CCSER1: variants seen among roughly 807,000 people sequenced by gnomAD.
CCSER1 encodes the protein coiled-coil serine rich protein 1.
In CCSER1, 41 loss-of-function variants were observed where a neutral mutation model predicts 82.0. That is an observed-to-expected ratio of 0.50 (90% CI 0.39 to 0.65). The LOEUF is 0.65. CCSER1 is among the 30% of genes least tolerant of loss of function. The probability of loss-of-function intolerance (pLI) is 0.00; values close to 1 mark genes in which losing one functional copy is unlikely to be tolerated. For synonymous variants in CCSER1, 414 were observed against 383.9 expected, an observed-to-expected ratio of 1.08 and a Z score of -0.92; for missense variants, 1,119 against 1,064.2, an observed-to-expected ratio of 1.05 and a Z score of -0.72.
intron 9 of CCSER1, among the ~76,000 whole-genome samples, chr4:91,076,213 G>A (rs1225128939): frequency 6.7e-6 from 1 of 149,964 alleles, no homozygotes; most frequent in Admixed American, 6.8e-5. Flanking sequence ...TTTTCAACCT[G>A]AATCTTGGTC....
At chr4:90,276,434 C>A (rs1052465358) in intron 1 of CCSER1, among the ~76,000 whole-genome samples, 1 of 150,590 alleles carries the variant, frequency 6.6e-6, no homozygotes, top group African/African-American at 2.5e-5. Flanking sequence ...GCAACCTTCA[C>A]CTCCTGGATT....
intron 9 of CCSER1, among the ~76,000 whole-genome samples, chr4:91,074,229 CAT>C (rs558146622): frequency 1.8e-3 from 273 of 152,202 alleles, no homozygotes; most frequent in African/African-American, 5.8e-3. Flanking sequence ...TGCAATATAA[CAT>C]GTGATAAGGC....
At chr4:91,100,058 T>G (rs1034134247) in intron 10 of CCSER1, among the ~76,000 whole-genome samples, 2 of 152,182 alleles carry the variant, frequency 1.3e-5, no homozygotes, top group Non-Finnish European at 2.9e-5. Context: ...CTTCCTTGTC[T>G]TGTAATGTTA....
At chr4:91,278,530 G>A (rs139380267) in intron 10 of CCSER1, among the ~76,000 whole-genome samples, 143 of 152,034 alleles carry the variant, frequency 9.4e-4, no homozygotes, top group East Asian at 5.6e-3. Context: ...ATCTTTTTCC[G>A]TCTCTTTATT....
In CCSER1 at chr4:90,310,578, C is replaced by T. The variant is rs1189910319; in HGVS notation, c.1324+970C>T. 2.0e-5 allele frequency among the ~76,000 whole-genome samples: 3 copies of T among 151,996 alleles called. No individual in the cohort carries two copies. The East Asian group carries it at 5.8e-4, about 29-fold the overall frequency. ...CAAAGATAAACTGTGTGTCCACAAT[C>T]ACAAAACTAATAATTCATTTATTGG... is the stretch of plus-strand genomic sequence containing the variant. On this transcript the variant is annotated intron_variant, in intron 2 of 10. Coordinates refer to ENST00000509176, the MANE Select transcript of CCSER1 (RefSeq NM_001145065.2).
chr4:91,473,259 T>C (rs182530256), intron 10 of CCSER1, among the ~76,000 whole-genome samples: 124 of 152,304 alleles, frequency 8.1e-4, no homozygotes, highest in Non-Finnish European at 4.7e-4. Context: ...CAGAAAGTAA[T>C]TTTCATTGTG....
intron 10 of CCSER1, among the ~76,000 whole-genome samples, chr4:91,290,363 G>A (rs1743652285): frequency 6.6e-6 from 1 of 151,874 alleles, no homozygotes; most frequent in Non-Finnish European, 1.5e-5. Context: ...AATTATATTT[G>A]CTGCTAAGAT....
At chr4:90,394,341 C>A (rs1460495725) in intron 3 of CCSER1, among the ~76,000 whole-genome samples, 1 of 152,066 alleles carries the variant, frequency 6.6e-6, no homozygotes, top group Non-Finnish European at 1.5e-5. Flanking sequence ...AAAATTAATT[C>A]TTGAATTACT....
At chr4:91,150,708 G>A (rs1483269869) in intron 10 of CCSER1, among the ~76,000 whole-genome samples, 1 of 151,976 alleles carries the variant, frequency 6.6e-6, no homozygotes, top group Non-Finnish European at 1.5e-5. Flanking sequence ...GTTGAATTTT[G>A]TAGAAGGCCT....
intron 10 of CCSER1, among the ~76,000 whole-genome samples, chr4:91,514,241 T>A (rs988617393): frequency 3.3e-5 from 5 of 152,208 alleles, no homozygotes; most frequent in African/African-American, 1.2e-4. Context: ...GCAAGTTGTT[T>A]AATTTCTATG....
chr4:90,910,187 C>T (rs1486999351), intron 8 of CCSER1, among the ~76,000 whole-genome samples: 3 of 152,184 alleles, frequency 2.0e-5, no homozygotes, highest in Non-Finnish European at 1.5e-5. Context: ...ATCAAGGGAA[C>T]AGCAAGGGGG....
chr4:91,128,245 AAAAC>A (rs1466818264), intron 10 of CCSER1, among the ~76,000 whole-genome samples: 1 of 152,078 alleles, frequency 6.6e-6, no homozygotes, highest in African/African-American at 2.4e-5. Context: ...CAGCAAAGAC[AAAAC>A]AAACAAACTA....
intron 1 of CCSER1, among the ~76,000 whole-genome samples, chr4:90,280,223 A>G (rs549292008): frequency 6.6e-6 from 1 of 152,160 alleles, no homozygotes; most frequent in East Asian, 1.9e-4. Context: ...TAAAGTCACT[A>G]CAGTATTCCA....
rs1722248114 is a variant in CCSER1, at chr4:90,250,775, G to A, written c.-41-57469G>A. 5.9e-5 allele frequency among the ~76,000 whole-genome samples: 9 copies of A among 152,032 alleles called. No individual in the cohort carries two copies. The South Asian group carries it at 1.9e-3, about 31-fold the overall frequency. On this transcript the variant is annotated intron_variant, in intron 1 of 10. Coordinates refer to ENST00000509176, the MANE Select transcript of CCSER1 (RefSeq NM_001145065.2). The stretch of plus-strand genomic sequence containing the variant: ...GGCAGTTGGGATTTTGACAAGGATT[G>A]TGTTGAATCTGTATCAGTTTGGGGT...
chr4:90,531,454 G>T (rs1318016965), intron 5 of CCSER1, among the ~76,000 whole-genome samples: 1 of 149,510 alleles, frequency 6.7e-6, no homozygotes, highest in Non-Finnish European at 1.5e-5. Context: ...TACTCACCAG[G>T]TGTATTTTTA....
At chr4:90,354,565 A>G (rs72881681) in intron 3 of CCSER1, among the ~76,000 whole-genome samples, 14,695 of 152,112 alleles carry the variant, frequency 0.097, 1,198 homozygotes, top group East Asian at 0.32. Flanking sequence ...CACAGTGTGT[A>G]TGTATATCAA....
intron 5 of CCSER1, among the ~76,000 whole-genome samples, chr4:90,544,753 A>C (rs1318135148): frequency 6.6e-6 from 1 of 152,102 alleles, no homozygotes; most frequent in African/African-American, 2.4e-5. Context: ...TCCCTCAGGC[A>C]AGCAAAGGCA....
chr4:90,935,079 G>C (rs1730765684), intron 9 of CCSER1, among the ~76,000 whole-genome samples: 1 of 151,916 alleles, frequency 6.6e-6, no homozygotes, highest in African/African-American at 2.4e-5. Flanking sequence ...TGAATAACTA[G>C]AGAGAGGGAG....
chr4:91,173,391 G>T (rs1041124377), intron 10 of CCSER1, among the ~76,000 whole-genome samples: 1 of 152,024 alleles, frequency 6.6e-6, no homozygotes, highest in Non-Finnish European at 1.5e-5. Context: ...TCAGGAGATC[G>T]AGACCATCTT....
Sources: allele counts gnomAD v4.1 joint callset (sites outside exome capture counted in the v4.1 genomes callset), GRCh38; gene constraint gnomAD v4.1.1; transcripts MANE v1.5; gene names NCBI Gene and HGNC (gene_info 2026-07-23, HGNC 2026-07-21).